ARR3: variants seen among roughly 807,000 people sequenced by gnomAD.
ARR3 encodes arrestin 3, also known as arrestin-C.
A neutral mutation model predicts 35.4 loss-of-function variants in ARR3; 14 were observed. The observed-to-expected ratio is 0.40, with a 90% CI of 0.26 to 0.62. The LOEUF is 0.62. ARR3 is among the 20% of genes least tolerant of loss of function. The pLI, the probability that ARR3 is intolerant of heterozygous loss-of-function variation, is 0.46. For missense variants in ARR3, 259 were observed against 303.8 expected (o/e 0.85, Z 1.10); for synonymous variants, 97 against 119.1 (o/e 0.81, Z 1.21).
At chrX:70,274,527 C>T (rs755013476) in intron 5 of ARR3, among the ~76,000 whole-genome samples, 5 of 112,615 alleles carry the variant, frequency 4.4e-5, no homozygotes, top group Non-Finnish European at 7.5e-5. Flanking sequence ...GAGATTTAAC[C>T]TTGTTGGCAC....
chrX:70,278,772 A>G (rs1457313744), intron 12 of ARR3, 131 bp downstream of exon 12: 15 of 884,431 alleles, frequency 1.7e-5, no homozygotes, highest in Non-Finnish European at 2.1e-5. Context: ...GGCAGTGTTC[A>G]GAGACTCCTC....
chrX:70,273,080 C>T (rs980198737), intron 5 of ARR3, among the ~76,000 whole-genome samples: 1 of 111,015 alleles, frequency 9.0e-6, no homozygotes, highest in African/African-American at 3.3e-5. Context: ...CCGCCTCTCA[C>T]TTGATTTCTT....
In ARR3 at chrX:70,276,440, C is replaced by T; in HGVS notation, c.353C>T (p.Thr118Ile). 8.3e-7 allele frequency: 1 copy of T among 1,211,468 alleles called. No individual in the cohort carries two copies. Among genetic ancestry groups the T allele is most frequent in the Non-Finnish European group, 1.1e-6 (1 of 895,178 alleles). Reference protein sequence around the residue: ...NAYPFTLQMVTNLPCSVTLQP... With the variant: ...NAYPFTLQMVINLPCSVTLQP... ...CTCCTTTTTGTCCCCTAGATGGTGA[C>T]CAACCTGCCCTGTTCTGTGACACTG... Residue 118 changes from threonine (T) to isoleucine (I), a missense_variant, in exon 7 of 17, where the codon ACC becomes ATC. Physicochemically the swap from Thr to Ile is moderately conservative, Grantham distance 89. Transcript: ENST00000307959.
At position 70,278,572 on chromosome X, in the gene ARR3, G is replaced by T. The variant is rs145321267; in HGVS notation, c.836G>T (p.Cys279Phe). The T allele has an allele frequency of 1.7e-6, 2 of 1,211,652 alleles. No homozygotes were observed. Among genetic ancestry groups the T allele is most frequent in the South Asian group, 3.5e-5 (2 of 56,930 alleles). The change falls in exon 12 of 17, where the codon TGC becomes TTC. Residue 279 changes from cysteine to phenylalanine, a missense_variant. Physicochemically the swap from Cys to Phe is radical, Grantham distance 205. Transcript: ENST00000307959. ...FAVTPILAAS[C>F]QKRGLALDGK... is the part of the protein sequence containing the mutation. ...GTAACCCCAATCCTGGCTGCCAGCT[G>T]CCAGAAACGGGGCCTGGCACTGGAT...
At position 70,280,601 on chromosome X, in the gene ARR3, G is replaced by A. The variant is rs1160078082; in HGVS notation, c.1013+19G>A. The A allele has an allele frequency of 8.3e-7, 1 of 1,200,919 alleles. No homozygotes were observed. The highest frequency in any genetic ancestry group is 3.0e-5 in the East Asian group (1 of 33,755). On this transcript the variant is annotated intron_variant, in intron 14 of 16. Transcript: ENST00000307959. Reference sequence around the variant, plus strand: ...CAGCCAGGTGAGAGACTGTGGGGTGGGGGAACTTGGGCAAGAAGAGGAGGA... The same window carrying A: ...CAGCCAGGTGAGAGACTGTGGGGTGAGGGAACTTGGGCAAGAAGAGGAGGA...
At chrX:70,281,010 G>C (rs942772451) in intron 15 of ARR3, 89 bp from the exon 16 acceptor site, 13 of 942,078 alleles carry the variant, frequency 1.4e-5, no homozygotes, top group Admixed American at 5.4e-5. Flanking sequence ...GTTGGGGGGG[G>C]GGGAAGTAAA....
At chrX:70,280,647 A>C in intron 14 of ARR3, 65 bp downstream of exon 14, 1 of 1,193,922 alleles carries the variant, frequency 8.4e-7, no homozygotes, top group Non-Finnish European at 1.1e-6. Flanking sequence ...AGGAGAGCAA[A>C]ATAATGATTG....
chrX:70,275,205 C>T (rs762626821), intron 5 of ARR3, among the ~76,000 whole-genome samples: 9 of 112,505 alleles, frequency 8.0e-5, no homozygotes, highest in African/African-American at 2.9e-4. Flanking sequence ...ATTAATACTC[C>T]CACCAGCAGT....
At chrX:70,280,305 G>C (rs372746426) in intron 13 of ARR3, 27 bp downstream of exon 13, 1 of 1,179,541 alleles carries the variant, frequency 8.5e-7, no homozygotes, top group African/African-American at 1.8e-5. Flanking sequence ...GGTCTGTCTG[G>C]GCAGGGGCTG....
chrX:70,268,432 G>T (rs1428312532), intron 1 of ARR3, 60 bp downstream of exon 1: 1 of 111,352 alleles, frequency 9.0e-6, no homozygotes, highest in Non-Finnish European at 1.9e-5. Context: ...CTTGCTCTTA[G>T]CATCCCTCTT....
chrX:70,276,633 T>A, intron 7 of ARR3, 36 bp from the exon 8 acceptor site: 1 of 1,200,335 alleles, frequency 8.3e-7, no homozygotes, highest in East Asian at 3.0e-5. Context: ...AGGACAGCAC[T>A]GGAAATGAGC....
chrX:70,279,534 T>C (rs753964085), intron 12 of ARR3, among the ~76,000 whole-genome samples: 8 of 112,827 alleles, frequency 7.1e-5, no homozygotes, highest in Non-Finnish European at 1.1e-4. Flanking sequence ...CTCTTTCCTA[T>C]GCTAAGCAAT....
intron 12 of ARR3, among the ~76,000 whole-genome samples, chrX:70,279,070 A>G (rs762012676): frequency 8.9e-6 from 1 of 112,829 alleles, no homozygotes; most frequent in East Asian, 2.8e-4. Context: ...AGATGTAGAC[A>G]GGATTATATC....
chrX:70,277,101 CAT>C (rs1442003990), intron 8 of ARR3, among the ~76,000 whole-genome samples: 2 of 112,891 alleles, frequency 1.8e-5, no homozygotes, highest in Non-Finnish European at 3.7e-5. Flanking sequence ...GTAATGTCCA[CAT>C]GTCACAAAAT....
intron 16 of ARR3, among the ~76,000 whole-genome samples, 194 bp from the exon 17 acceptor site, chrX:70,281,482 G>A (rs2085684566): frequency 9.0e-6 from 1 of 110,860 alleles, no homozygotes; most frequent in Admixed American, 9.6e-5. Flanking sequence ...TTTGTGCTGG[G>A]AAATTTGGGC....
chrX:70,279,503 T>C (rs1396468316), intron 12 of ARR3, among the ~76,000 whole-genome samples: 1 of 112,920 alleles, frequency 8.9e-6, no homozygotes, highest in Non-Finnish European at 1.9e-5. Context: ...AGTGGGTTTT[T>C]TACTGAACCC....
At chrX:70,278,830 G>A (rs898548636) in intron 12 of ARR3, among the ~76,000 whole-genome samples, 189 bp downstream of exon 12, 2 of 112,522 alleles carry the variant, frequency 1.8e-5, no homozygotes, top group Non-Finnish European at 3.8e-5. Context: ...TGGGACCAAC[G>A]GCAGGCTTAG....
Position 70,278,087 on chromosome X carries a change from T to A in ARR3, c.716T>A (p.Val239Asp). 4 of 1,210,808 alleles carry A rather than the reference T, an allele frequency of 3.3e-6. No homozygotes were observed. Among genetic ancestry groups the A allele is most frequent in the Non-Finnish European group, 4.5e-6 (4 of 895,039 alleles). Residue 239 changes from valine to aspartate, a missense_variant, in exon 11 of 17, where the codon GTC becomes GAC. Val to Asp is a radical substitution (Grantham distance 152). Transcript: ENST00000307959. ...KISVDQITDV[V>D]LYSLDKYTKT... ...TCAGTTGACCAGATCACAGATGTTGTCCTGTATTCACTAGACAAGTACACC... is the reference window on the plus strand; with the variant it reads ...TCAGTTGACCAGATCACAGATGTTGACCTGTATTCACTAGACAAGTACACC...
In ARR3 at chrX:70,280,591, C is replaced by T. The variant is rs774790367; in HGVS notation, c.1013+9C>T. On this transcript the variant is annotated intron_variant, in intron 14 of 16. Transcript: ENST00000307959. ...GGAGACCTGACAGCCAGGTGAGAGA[C>T]TGTGGGGTGGGGGAACTTGGGCAAG... 4 of 1,200,464 alleles carry T rather than the reference C, an allele frequency of 3.3e-6. No individual in the cohort carries two copies. The highest frequency in any genetic ancestry group is 4.5e-6 in the Non-Finnish European group (4 of 890,700).
Sources: allele counts gnomAD v4.1 joint callset (sites outside exome capture counted in the v4.1 genomes callset), GRCh38; gene constraint gnomAD v4.1.1; transcripts MANE v1.5; gene names NCBI Gene and HGNC (gene_info 2026-07-23, HGNC 2026-07-21).